VWA8: variants seen among roughly 807,000 people sequenced by gnomAD.
The protein encoded by VWA8 is von Willebrand factor A domain-containing protein 8.
VWA8 carries 221 observed loss-of-function variants against 241.5 expected under a neutral mutation model. The observed-to-expected ratio is 0.91, with a 90% CI of 0.82 to 1.02. The LOEUF is 1.02. Among genes scored for constraint, VWA8 ranks in the 50% least tolerant of loss-of-function variants. VWA8 has a pLI of 0.00. For synonymous variants in VWA8, 852 were observed against 827.1 expected (o/e 1.03, Z -0.52); for missense variants, 2,322 against 2,328.7 (o/e 1.00, Z 0.06).
At chr13:41,749,832 C>G in intron 21 of VWA8, among the ~76,000 whole-genome samples, 1 of 141,188 alleles carries the variant, frequency 7.1e-6, no homozygotes, top group East Asian at 2.1e-4. Context: ...AATGAGAACA[C>G]TTGGACACAG....
chr13:41,836,865 T>C (rs993985163), intron 12 of VWA8, among the ~76,000 whole-genome samples: 4 of 152,184 alleles, frequency 2.6e-5, no homozygotes, highest in Non-Finnish European at 5.9e-5. Context: ...ACCAAAGCTA[T>C]AGACCAGAAA....
rs116308841 is a variant in VWA8 at position 41,626,464 on chromosome 13, A to T, written c.4612-11380T>A. Among the ~76,000 whole-genome samples, 694 of 152,284 alleles carry T rather than the reference A, an allele frequency of 4.6e-3. 9 individuals are homozygous for T. The highest frequency in any genetic ancestry group is 0.016 in the African/African-American group (653 of 41,562). On this transcript the variant is annotated intron_variant, in intron 37 of 44. Coordinates refer to ENST00000379310, the MANE Select transcript of VWA8 (RefSeq NM_015058.2). ...CAAAAAAGAGCCAAACAGCCAAAAC[A>T]ATCCTAAGCAAAAAGAACAAACCCA...
intron 1 of VWA8, among the ~76,000 whole-genome samples, chr13:41,957,906 T>G (rs1878421155): frequency 6.6e-6 from 1 of 152,220 alleles, no homozygotes. Context: ...GGTTTATCAT[T>G]TGATCTATAG....
chr13:41,885,669 C>T (rs1301432590), intron 8 of VWA8, among the ~76,000 whole-genome samples: 1 of 152,222 alleles, frequency 6.6e-6, no homozygotes, highest in Non-Finnish European at 1.5e-5. Flanking sequence ...CTAAAGCCTT[C>T]CTTCCCTCTG....
chr13:41,583,036 G>A (rs1187740112), intron 42 of VWA8, among the ~76,000 whole-genome samples: 1 of 152,208 alleles, frequency 6.6e-6, no homozygotes, highest in African/African-American at 2.4e-5. Flanking sequence ...ACAGGTTTTA[G>A]TATCTGAGAG....
At chr13:41,787,408 TA>T (rs761863518) in intron 18 of VWA8, 28 bp downstream of exon 18, 71 of 1,507,084 alleles carry the variant, frequency 4.7e-5, no homozygotes, top group Admixed American at 1.2e-4. Flanking sequence ...TTATTTCACT[TA>T]AAAAAAAGAG....
At chr13:41,640,294 CAT>C (rs1217743728) in intron 37 of VWA8, among the ~76,000 whole-genome samples, 1 of 152,186 alleles carries the variant, frequency 6.6e-6, no homozygotes, top group African/African-American at 2.4e-5. Flanking sequence ...CCTCACATTA[CAT>C]AGACCATAAA....
At chr13:41,750,674 C>G (rs963146233) in intron 21 of VWA8, among the ~76,000 whole-genome samples, 2 of 152,030 alleles carry the variant, frequency 1.3e-5, no homozygotes, top group Non-Finnish European at 2.9e-5. Flanking sequence ...AGAAACCAAG[C>G]CTGAAGATGC....
Position 41,701,386 on chromosome 13 carries a change from A to G in VWA8, c.3364+6T>C. 1 of 1,592,158 alleles carries G rather than the reference A, an allele frequency of 6.3e-7. No homozygotes were observed. The highest frequency in any genetic ancestry group is 2.3e-5 in the East Asian group (1 of 44,302). ...AAGGAAAGATCAAAAGAATAAGCAG[A>G]CATACCATGTGATGTAGCAATGTCA... On this transcript the variant is annotated splice_donor_region_variant and intron_variant, in intron 28 of 44. Coordinates refer to ENST00000379310, the MANE Select transcript of VWA8 (RefSeq NM_015058.2).
At chr13:41,925,090 G>A (rs1471228405) in intron 2 of VWA8, among the ~76,000 whole-genome samples, 3 of 152,176 alleles carry the variant, frequency 2.0e-5, no homozygotes, top group Non-Finnish European at 4.4e-5. Context: ...TGCAGGCCAG[G>A]AGAGAATGGA....
At chr13:41,821,763 C>G (rs972220464) in intron 14 of VWA8, among the ~76,000 whole-genome samples, 6 of 152,112 alleles carry the variant, frequency 3.9e-5, no homozygotes, top group African/African-American at 1.4e-4. Context: ...ATTGAAGTCA[C>G]TATGTTTGTC....
rs1324547700 is a variant in VWA8 at position 41,699,225 on chromosome 13, G to T, written c.3410C>A (p.Ser1137Tyr). The change falls in exon 29 of 45, where the codon TCC (serine) becomes TAC (tyrosine). Residue 1137 changes from serine (S) to tyrosine (Y), a missense_variant. By Grantham distance (144) the Ser-to-Tyr change is moderately radical. Coordinates refer to ENST00000379310, the MANE Select transcript of VWA8 (RefSeq NM_015058.2). ...CCCAGTCATATTCATAAAGTACAGG[G>T]AAGCGGGATTGCATGTAACTACATA... ...TLYVVTCNPA[S>Y]LYFMNMTGKS... 2 of 1,614,164 alleles carry T rather than the reference G, an allele frequency of 1.2e-6. No individual in the cohort carries two copies. Among genetic ancestry groups the T allele is most frequent in the South Asian group, 1.1e-5 (1 of 91,078 alleles).
In VWA8 at chr13:41,695,741, T is replaced by C. The variant is rs535262235; in HGVS notation, c.3565-2769A>G. ...TTGAAACTGTGGCCAAAGGGGTAAG[T>C]AAGGCAGTATATGAGGAGGCAAGAT... On this transcript the variant is annotated intron_variant, in intron 29 of 44. Coordinates refer to ENST00000379310, the MANE Select transcript of VWA8 (RefSeq NM_015058.2). 4.6e-5 allele frequency among the ~76,000 whole-genome samples: 7 copies of C among 152,276 alleles called. No homozygotes were observed. The South Asian group carries it at 1.5e-3, about 32-fold the overall frequency.
In VWA8 at chr13:41,800,577, A is replaced by G. The variant is rs548161104; in HGVS notation, c.2063+10648T>C. Among the ~76,000 whole-genome samples, 6 of 151,932 alleles carry G rather than the reference A, an allele frequency of 3.9e-5. No homozygotes were observed. In the East Asian group the frequency reaches 1.2e-3, roughly 29 times the overall value. On this transcript the variant is annotated intron_variant, in intron 17 of 44. Coordinates refer to ENST00000379310, the MANE Select transcript of VWA8 (RefSeq NM_015058.2). The stretch of plus-strand genomic sequence containing the variant: ...GCTGAGGCAGGAGGATCATGAAGTC[A>G]GGAGATTGAAACCATCCTGGCTAAC...
intron 38 of VWA8, among the ~76,000 whole-genome samples, chr13:41,612,742 G>C (rs925001912): frequency 1.3e-5 from 2 of 152,108 alleles, no homozygotes; most frequent in South Asian, 4.1e-4. Context: ...TCCAATATTG[G>C]AGGGGCAGTA....
At chr13:41,630,212 T>G (rs1037247559) in intron 37 of VWA8, among the ~76,000 whole-genome samples, 3 of 152,136 alleles carry the variant, frequency 2.0e-5, no homozygotes, top group Non-Finnish European at 4.4e-5. Context: ...GAATGGTCCA[T>G]GGTTTGTCTT....
intron 37 of VWA8, among the ~76,000 whole-genome samples, chr13:41,646,836 C>T (rs1312157060): frequency 6.6e-6 from 1 of 152,220 alleles, no homozygotes; most frequent in African/African-American, 2.4e-5. Context: ...ATGGTCTGAA[C>T]TGCATCATAC....
intron 26 of VWA8, among the ~76,000 whole-genome samples, chr13:41,709,877 G>A (rs1358976588): frequency 6.6e-6 from 1 of 151,492 alleles, no homozygotes; most frequent in African/African-American, 2.4e-5. Context: ...GAACTTATGG[G>A]CTCAAGGAAT....
In VWA8 at chr13:41,703,307, A is replaced by C. The variant is rs1357582768; in HGVS notation, c.3221T>G (p.Ile1074Arg). 1.9e-6 allele frequency: 3 copies of C among 1,613,240 alleles called. No homozygotes were observed. The highest frequency in any genetic ancestry group is 2.5e-6 in the Non-Finnish European group (3 of 1,179,266). ...LCPVETHHID[I>R]KGPALINIQE... The stretch of plus-strand genomic sequence containing the variant: ...GAGAATAATGATGATATCAACCTTT[A>C]TGTCTATATGATGAGTTTCCACTGG... The change falls in exon 27 of 45, where the codon ATA (isoleucine) becomes AGA (arginine). Residue 1074 changes from isoleucine (I) to arginine (R), a missense_variant. By Grantham distance (97) the Ile-to-Arg change is moderately conservative. Transcript: ENST00000379310.
Sources: allele counts gnomAD v4.1 joint callset (sites outside exome capture counted in the v4.1 genomes callset), GRCh38; gene constraint gnomAD v4.1.1; transcripts MANE v1.5; gene names NCBI Gene and HGNC (gene_info 2026-07-23, HGNC 2026-07-21).